The following SMOX variants were observed in gnomAD, a reference collection of about 807,000 sequenced individuals.
SMOX encodes the protein flavin containing amine oxidase.
SMOX carries 22 observed loss-of-function variants against 51.0 expected under a neutral mutation model. That is an observed-to-expected ratio of 0.43 (90% CI 0.31 to 0.62). The LOEUF (loss-of-function observed/expected upper bound fraction) is 0.62. Among genes scored for constraint, SMOX ranks in the 20% least tolerant of loss-of-function variants. The pLI, the probability that SMOX is intolerant of heterozygous loss-of-function variation, is 0.10. For missense variants in SMOX, 566 were observed against 777.7 expected (o/e 0.73, Z 3.24); for synonymous variants, 282 against 307.8 (o/e 0.92, Z 0.88).
At chr20:4,165,499 C>T (rs1986534897) in intron 1 of SMOX, among the ~76,000 whole-genome samples, 1 of 152,198 alleles carries the variant, frequency 6.6e-6, no homozygotes, top group African/African-American at 2.4e-5. Flanking sequence ...TGTTCTGGGC[C>T]TGGTCTTTCT....
At position 4,183,461 on chromosome 20, in the gene SMOX, T is replaced by C; in HGVS notation, c.1370-33T>C. 6.2e-7 allele frequency: 1 copy of C among 1,614,016 alleles called. No individual in the cohort carries two copies. Among genetic ancestry groups the C allele is most frequent in the Non-Finnish European group, 8.5e-7 (1 of 1,179,978 alleles). ...TTCCATATGCAGCCATTTCTTATCCTCCCTCCTCTTGGCTTTTCTGACTCT... is the reference window on the plus strand; with the variant it reads ...TTCCATATGCAGCCATTTCTTATCCCCCCTCCTCTTGGCTTTTCTGACTCT... On this transcript the variant is annotated intron_variant, in intron 5 of 6. Transcript: ENST00000305958. The surrounding 1 kb of genome is among the most constrained non-coding windows in gnomAD (Gnocchi z 4.3).
rs1417662069 is a variant in SMOX at position 4,181,126 on chromosome 20, G to T, written c.436-677G>T. 6.6e-6 allele frequency among the ~76,000 whole-genome samples: 1 copy of T among 152,194 alleles called. No individual in the cohort carries two copies. The highest frequency in any genetic ancestry group is 1.5e-5 in the Non-Finnish European group (1 of 68,044). On this transcript the variant is annotated intron_variant, in intron 3 of 6. Coordinates refer to ENST00000305958, the MANE Select transcript of SMOX (RefSeq NM_175839.3). The surrounding 1 kb of genome is among the most constrained non-coding windows in gnomAD (Gnocchi z 5.6). Reference sequence around the variant, plus strand: ...ATCTGTTGATGAGGTGTGGGCTGGAGTTCTTGCTGAAACGTGCCCGTGAAA... The same window carrying T: ...ATCTGTTGATGAGGTGTGGGCTGGATTTCTTGCTGAAACGTGCCCGTGAAA...
Position 4,149,992 on chromosome 20 carries a change from G to C in SMOX, c.-27+1015G>C, listed in dbSNP as rs1985653251. On this transcript the variant is annotated intron_variant, in intron 1 of 6. Coordinates refer to ENST00000305958, the MANE Select transcript of SMOX (RefSeq NM_175839.3). The surrounding 1 kb of genome is among the most constrained non-coding windows in gnomAD (Gnocchi z 6.0). ...CCTGGCCTCTTGTTAGGCGGAGAGGGCATCCCAATTCCTGCCGCTGGCCCT... is the reference window on the plus strand; with the variant it reads ...CCTGGCCTCTTGTTAGGCGGAGAGGCCATCCCAATTCCTGCCGCTGGCCCT... Among the ~76,000 whole-genome samples the C allele has an allele frequency of 6.6e-6, 1 of 152,154 alleles. No individual in the cohort carries two copies. The highest frequency in any genetic ancestry group is 6.5e-5 in the Admixed American group (1 of 15,272).
intron 1 of SMOX, among the ~76,000 whole-genome samples, chr20:4,162,236 C>T (rs1432832224): frequency 6.8e-6 from 1 of 146,404 alleles, no homozygotes; most frequent in Non-Finnish European, 1.5e-5. Flanking sequence ...GGAAGGCTTC[C>T]CCACTCCCCA....
At chr20:4,175,792 A>C (rs189292936) in intron 2 of SMOX, among the ~76,000 whole-genome samples, 1 of 151,282 alleles carries the variant, frequency 6.6e-6, no homozygotes, top group African/African-American at 2.4e-5. Context: ...TGGAGAAAGC[A>C]GCCAGGTAAG....
rs1199337500 is a variant in SMOX, at chr20:4,175,113, C to T, written c.58C>T (p.Arg20Trp). ...GGATGACCCTCTCAGTCGCGGCCTA[C>T]GGAGAAGGGGACAGCCTCGTGTGGT... The part of the protein sequence containing the change: ...SADDPLSRGL[R>W]RRGQPRVVVI... The change falls in exon 2 of 7, where the codon CGG becomes TGG. Residue 20 changes from arginine to tryptophan, a missense_variant. This residue lies in a region of SMOX where 217 missense variants were observed against 278.4 expected (regional missense o/e 0.78). Coordinates refer to ENST00000305958, the MANE Select transcript of SMOX (RefSeq NM_175839.3). 12 of 1,614,242 alleles carry T rather than the reference C, an allele frequency of 7.4e-6. No individual in the cohort carries two copies. The highest frequency in any genetic ancestry group is 1.0e-5 in the Non-Finnish European group (12 of 1,180,048).
chr20:4,174,386 GGCAAGTATCCGGGGTCCAT>G (rs1978661668), intron 1 of SMOX, among the ~76,000 whole-genome samples: 1 of 151,890 alleles, frequency 6.6e-6, no homozygotes, highest in Non-Finnish European at 1.5e-5. Flanking sequence ...TTCGGGTCCA[GGCAAGTATCCGGGGTCCAT>G]GCAAGTATCT....
chr20:4,150,684 C>T (rs79968653), intron 1 of SMOX, among the ~76,000 whole-genome samples: 8,369 of 152,176 alleles, frequency 0.055, 560 homozygotes, highest in African/African-American at 0.16. Flanking sequence ...ATTTTACCTC[C>T]AGCCCCAGCC....
In SMOX at chr20:4,177,935, A is replaced by T. The variant is rs780158227; in HGVS notation, c.435+358A>T. 3.9e-5 allele frequency among the ~76,000 whole-genome samples: 6 copies of T among 152,164 alleles called. No individual in the cohort carries two copies. Among genetic ancestry groups the T allele is most frequent in the Non-Finnish European group, 8.8e-5 (6 of 68,034 alleles). ...AATAGAACTTTCCACAGTGATGGTG[A>T]TGTTTTAGACCTTCGCTCTGCAGTG... On this transcript the variant is annotated intron_variant, in intron 3 of 6. Transcript: ENST00000305958. This position sits in a 1 kb window ranked among gnomAD's most constrained non-coding sequence, Gnocchi z 4.3.
chr20:4,151,455 C>G (rs1368290384), intron 1 of SMOX, among the ~76,000 whole-genome samples: 2 of 152,188 alleles, frequency 1.3e-5, no homozygotes, highest in East Asian at 1.9e-4. Flanking sequence ...CCTACCAGAC[C>G]CTTCCCAGTC....
chr20:4,164,571 T>C (rs909679897), intron 1 of SMOX, among the ~76,000 whole-genome samples: 61 of 152,304 alleles, frequency 4.0e-4, no homozygotes, highest in Non-Finnish European at 1.2e-4. Context: ...TAGGACTATT[T>C]ATTAAGTTGG....
At chr20:4,173,860 G>A (rs1978614341) in intron 1 of SMOX, among the ~76,000 whole-genome samples, 1 of 152,388 alleles carries the variant, frequency 6.6e-6, no homozygotes, top group East Asian at 1.9e-4. Context: ...CAAACCCTCC[G>A]GGTCATTCTG....
At chr20:4,180,853 C>T (rs8118315) in intron 3 of SMOX, among the ~76,000 whole-genome samples, 38,581 of 152,026 alleles carry the variant, frequency 0.25, 6,514 homozygotes, top group Non-Finnish European at 0.37. Context: ...TTTCCTATCA[C>T]GGCAGCCCAA....
At chr20:4,155,408 G>T (rs546692143) in intron 1 of SMOX, among the ~76,000 whole-genome samples, 18 of 139,240 alleles carry the variant, frequency 1.3e-4, no homozygotes, top group African/African-American at 4.5e-4. Flanking sequence ...TGCGGCGTAC[G>T]TGGGAGTGGG....
chr20:4,180,495 A>C (rs945437685), intron 3 of SMOX, among the ~76,000 whole-genome samples: 5 of 152,218 alleles, frequency 3.3e-5, no homozygotes, highest in African/African-American at 1.2e-4. Context: ...AGGAGCCTCC[A>C]TTAGCTGGTG....
intron 1 of SMOX, among the ~76,000 whole-genome samples, chr20:4,158,122 G>A (rs369842049): frequency 1.3e-3 from 201 of 150,644 alleles, no homozygotes; most frequent in South Asian, 6.1e-3. Context: ...GGATGGTCTC[G>A]ATCTCCTGAC....
chr20:4,181,746 C>T lies in SMOX; in HGVS notation c.436-57C>T, dbSNP rs2122575189. ...CTGGTGGGTTTGGGTTGGGGGCCTTCTGTTTGAGATGGAGGTGTGATGAGG... is the reference window on the plus strand; with the variant it reads ...CTGGTGGGTTTGGGTTGGGGGCCTTTTGTTTGAGATGGAGGTGTGATGAGG... On this transcript the variant is annotated intron_variant, in intron 3 of 6. Coordinates refer to ENST00000305958, the MANE Select transcript of SMOX (RefSeq NM_175839.3). This position sits in a 1 kb window ranked among gnomAD's most constrained non-coding sequence, Gnocchi z 5.6. 1 of 1,578,242 alleles carries T rather than the reference C, an allele frequency of 6.3e-7. No individual in the cohort carries two copies. Among genetic ancestry groups the T allele is most frequent in the Non-Finnish European group, 8.6e-7 (1 of 1,160,792 alleles).
At chr20:4,186,504 C>T (rs964286483) in intron 6 of SMOX, among the ~76,000 whole-genome samples, 3 of 152,284 alleles carry the variant, frequency 2.0e-5, no homozygotes, top group African/African-American at 7.2e-5. Context: ...GTCCCCCGAG[C>T]AAGGCCTGCT....
At position 4,167,892 on chromosome 20, in the gene SMOX, C is replaced by G. The variant is rs967437290; in HGVS notation, c.-26-7138C>G. On this transcript the variant is annotated intron_variant, in intron 1 of 6. Transcript: ENST00000305958. The surrounding 1 kb of genome is among the most constrained non-coding windows in gnomAD (Gnocchi z 4.8). ...TCCCTGGTTGAGGGGTGGGAGGAGC[C>G]TCACCGCAGACACAGAGCCCCTTTG... Among the ~76,000 whole-genome samples the G allele has an allele frequency of 2.6e-5, 4 of 152,066 alleles. No individual in the cohort carries two copies. Among genetic ancestry groups the G allele is most frequent in the African/African-American group, 9.7e-5 (4 of 41,388 alleles).
Sources: gnomAD v4.1 joint callset for allele counts (sites outside exome capture counted in the v4.1 genomes callset) on GRCh38, gnomAD v4.1.1 for gene constraint, gnomAD v4.1.1 regional missense constraint, Gnocchi (gnomAD v3.1) non-coding constraint, MANE v1.5 for transcripts, NCBI Gene and HGNC (gene_info 2026-07-23, HGNC 2026-07-21) for gene names.